PRKAR1B: variants seen among roughly 807,000 people sequenced by gnomAD.
PRKAR1B encodes the protein cAMP-dependent protein kinase type I-beta regulatory subunit.
PRKAR1B carries 22 observed loss-of-function variants against 46.5 expected under a neutral mutation model. The ratio of observed to expected loss-of-function variants is 0.47; its 90% CI spans 0.34 to 0.68. PRKAR1B has a LOEUF of 0.68. Among genes scored for constraint, PRKAR1B ranks in the 30% least tolerant of loss-of-function variants. PRKAR1B has a pLI of 0.01. For missense variants in PRKAR1B, 445 were observed against 535.6 expected (o/e 0.83, Z 1.67); for synonymous variants, 259 against 217.7 (o/e 1.19, Z -1.67).
intron 4 of PRKAR1B, among the ~76,000 whole-genome samples, chr7:675,636 C>T (rs1034829165): frequency 4.6e-5 from 7 of 152,116 alleles, no homozygotes; most frequent in African/African-American, 1.7e-4. Context: ...ACAAGGATGA[C>T]CACCCAATGT....
At chr7:635,250 G>C (rs1783979684) in intron 4 of PRKAR1B, among the ~76,000 whole-genome samples, 1 of 152,246 alleles carries the variant, frequency 6.6e-6, no homozygotes, top group Admixed American at 6.5e-5. Flanking sequence ...CTGAGCAGGG[G>C]TCCCTGTGGG....
intron 4 of PRKAR1B, among the ~76,000 whole-genome samples, chr7:628,218 GC>G (rs1477250203): frequency 6.6e-6 from 1 of 152,266 alleles, no homozygotes; most frequent in Non-Finnish European, 1.5e-5. Context: ...GATGGGCTCT[GC>G]GGGCACCGGA....
At chr7:682,167 G>A (rs1376239950) in intron 2 of PRKAR1B, among the ~76,000 whole-genome samples, 2 of 152,202 alleles carry the variant, frequency 1.3e-5, no homozygotes, top group African/African-American at 4.8e-5. Context: ...ACACCGGGTA[G>A]CTCACAGGGA....
At chr7:590,080 T>TG (rs1168042738) in intron 7 of PRKAR1B, among the ~76,000 whole-genome samples, 3 of 152,160 alleles carry the variant, frequency 2.0e-5, no homozygotes, top group Non-Finnish European at 4.4e-5. Flanking sequence ...CCTGGCTCCC[T>TG]GGGCCCTGCC....
rs1302802790 is a variant in PRKAR1B at position 726,598 on chromosome 7, G to C, written c.-23+612C>G. On this transcript the variant is annotated intron_variant, in intron 1 of 10. Coordinates refer to ENST00000537384, the MANE Select transcript of PRKAR1B (RefSeq NM_001164760.2). The stretch of plus-strand genomic sequence containing the variant: ...GCACGACAAGAGCACAGGCCCACGT[G>C]CGCACCGGCGGGGAGGAAGTAGCCC... 3 of 739,540 alleles carry C rather than the reference G, an allele frequency of 4.1e-6. No individual in the cohort carries two copies. In the African/African-American group the frequency reaches 5.5e-5, roughly 14 times the overall value. 45.8% of individuals were successfully genotyped at this position (739,540 alleles called of 1,614,324 possible).
intron 9 of PRKAR1B, among the ~76,000 whole-genome samples, chr7:552,687 A>G (rs1177703095): frequency 6.6e-6 from 1 of 152,086 alleles, no homozygotes; most frequent in Non-Finnish European, 1.5e-5. Context: ...GGCCCCCCGC[A>G]CCTTTGCCGA....
chr7:702,426 A>G (rs1780108623), intron 2 of PRKAR1B, among the ~76,000 whole-genome samples: 1 of 152,250 alleles, frequency 6.6e-6, no homozygotes, highest in Non-Finnish European at 1.5e-5. Context: ...AAAAGTAACC[A>G]TCTTAAAAAA....
rs200707089 is a variant in PRKAR1B, at chr7:625,704, ATAT to A, written c.441-18255_441-18253del. On this transcript the variant is annotated intron_variant, in intron 4 of 10. Coordinates refer to ENST00000537384, the MANE Select transcript of PRKAR1B (RefSeq NM_001164760.2). ...TCCTATGGACATTAAAAATAAAATA[ATAT>A]TATGAAAAACTCTATGAGACCAGGC... Among the ~76,000 whole-genome samples the A allele has an allele frequency of 9.5e-4, 145 of 152,334 alleles. 3 individuals carry two copies. In the East Asian group the frequency reaches 0.023, roughly 24 times the overall value.
At chr7:703,884 A>T (rs1198788862) in intron 2 of PRKAR1B, among the ~76,000 whole-genome samples, 1 of 152,222 alleles carries the variant, frequency 6.6e-6, no homozygotes, top group East Asian at 1.9e-4. Flanking sequence ...GACCATAATG[A>T]AATTAAACTA....
chr7:563,622 A>ACT (rs1477812853), intron 9 of PRKAR1B, among the ~76,000 whole-genome samples: 1 of 151,802 alleles, frequency 6.6e-6, no homozygotes, highest in Non-Finnish European at 1.5e-5. Flanking sequence ...ATGTGTATGC[A>ACT]CTGTGTGTGT....
chr7:689,319 C>T (rs1779282056), intron 2 of PRKAR1B, among the ~76,000 whole-genome samples: 1 of 151,914 alleles, frequency 6.6e-6, no homozygotes, highest in Non-Finnish European at 1.5e-5. Flanking sequence ...GACGGGGCTT[C>T]ATCATATTAG....
chr7:588,321 C>T (rs1780715750), intron 7 of PRKAR1B, among the ~76,000 whole-genome samples: 1 of 152,158 alleles, frequency 6.6e-6, no homozygotes, highest in Non-Finnish European at 1.5e-5. Flanking sequence ...CATCATTGGG[C>T]TTTGGTGAAA....
intron 4 of PRKAR1B, among the ~76,000 whole-genome samples, chr7:645,066 G>C (rs541585114): frequency 2.0e-5 from 3 of 152,128 alleles, no homozygotes; most frequent in Non-Finnish European, 4.4e-5. Flanking sequence ...TTAGAAATCC[G>C]GAAGAGAAAT....
intron 9 of PRKAR1B, among the ~76,000 whole-genome samples, chr7:578,193 C>G (rs1779966836): frequency 6.6e-6 from 1 of 152,218 alleles, no homozygotes. Flanking sequence ...GTCCCACCTG[C>G]TAACTCTCAG....
In PRKAR1B at chr7:693,988, G is replaced by A. The variant is rs140498535; in HGVS notation, c.178-13262C>T. Among the ~76,000 whole-genome samples, 9 of 152,246 alleles carry A rather than the reference G, an allele frequency of 5.9e-5. No homozygotes were observed. In the East Asian group the frequency reaches 9.7e-4, roughly 16 times the overall value. On this transcript the variant is annotated intron_variant, in intron 2 of 10. Transcript: ENST00000537384. ...GGGATGTACTGCCTTTGCGATAACCGCGAGACCTGGACTCGGCCGGGCGTG... is the reference window on the plus strand; with the variant it reads ...GGGATGTACTGCCTTTGCGATAACCACGAGACCTGGACTCGGCCGGGCGTG...
chr7:711,430 C>T lies in PRKAR1B; in HGVS notation c.76G>A (p.Gly26Arg), dbSNP rs756232064. 1.9e-5 allele frequency: 30 copies of T among 1,614,132 alleles called. No individual in the cohort carries two copies. Among genetic ancestry groups the T allele is most frequent in the Non-Finnish European group, 1.4e-5 (16 of 1,180,052 alleles). Residue 26 changes from glycine (G) to arginine (R), a missense_variant, in exon 2 of 11, where the codon GGG becomes AGG. By Grantham distance (125) the Gly-to-Arg change is moderately radical. Transcript: ENST00000537384. Reference sequence around the variant, plus strand: ...CAGTCTTTGAGGACCTGCTGGATCCCGTGCAGCTGCACGTACAGCTCACAG... The same window carrying T: ...CAGTCTTTGAGGACCTGCTGGATCCTGTGCAGCTGCACGTACAGCTCACAG... ...KGCELYVQLH[G>R]IQQVLKDCIV...
At chr7:590,835 C>A (rs1780929322) in intron 7 of PRKAR1B, among the ~76,000 whole-genome samples, 1 of 152,124 alleles carries the variant, frequency 6.6e-6, no homozygotes, top group African/African-American at 2.4e-5. Flanking sequence ...CCTGAACGAA[C>A]CGGGCTTCCT....
chr7:651,193 T>C (rs1391454150), intron 4 of PRKAR1B, among the ~76,000 whole-genome samples: 1 of 152,176 alleles, frequency 6.6e-6, no homozygotes, highest in Non-Finnish European at 1.5e-5. Context: ...ACAGCCAGGC[T>C]CCTAGGGGCC....
upstream of PRKAR1B, among the ~76,000 whole-genome samples, chr7:728,054 G>A (rs1460208437): frequency 6.6e-6 from 1 of 152,030 alleles, no homozygotes; most frequent in African/African-American, 2.4e-5. Flanking sequence ...TTTCCGCTCT[G>A]GCTTGGACCA....
Sources: gnomAD v4.1 joint callset for allele counts (sites outside exome capture counted in the v4.1 genomes callset) on GRCh38, gnomAD v4.1.1 for gene constraint, MANE v1.5 for transcripts, NCBI Gene and HGNC (gene_info 2026-07-23, HGNC 2026-07-21) for gene names.